Variants in FAM193A observed in about 807,000 individuals in gnomAD.
FAM193A encodes family with sequence similarity 193 member A, also known as protein FAM193A.
In FAM193A, 22 loss-of-function variants were observed where a neutral mutation model predicts 126.5. That is an observed-to-expected ratio of 0.17 (90% CI 0.12 to 0.25). The LOEUF (loss-of-function observed/expected upper bound fraction) is 0.25. Ranked by LOEUF, FAM193A falls within the 10% of genes least tolerant of loss-of-function variation. The probability of loss-of-function intolerance (pLI) is 1.00; values close to 1 mark genes in which losing one functional copy is unlikely to be tolerated. For synonymous variants in FAM193A, 761 were observed against 646.8 expected (o/e 1.18, Z -2.68); for missense variants, 1,675 against 1,672.8 (o/e 1.00, Z -0.02).
intron 20 of FAM193A, among the ~76,000 whole-genome samples, chr4:2,718,472 G>T (rs1719778803): frequency 6.6e-6 from 1 of 151,942 alleles, no homozygotes; most frequent in Admixed American, 6.6e-5. Flanking sequence ...CATGCCTGTA[G>T]TCCCAGCACT....
intron 5 of FAM193A, among the ~76,000 whole-genome samples, chr4:2,638,174 A>C (rs141581830): frequency 6.6e-6 from 1 of 152,234 alleles, no homozygotes; most frequent in Non-Finnish European, 1.5e-5. Flanking sequence ...CAGGTGCTGC[A>C]TTCACTCTCA....
At chr4:2,555,099 A>G (rs1738174918) in intron 1 of FAM193A, among the ~76,000 whole-genome samples, 1 of 152,078 alleles carries the variant, frequency 6.6e-6, no homozygotes, top group Non-Finnish European at 1.5e-5. Flanking sequence ...AACTAATTTA[A>G]TATTTATTTG....
chr4:2,558,273 GAAA>G (rs527575996), intron 1 of FAM193A, among the ~76,000 whole-genome samples: 1 of 103,230 alleles, frequency 9.7e-6, no homozygotes, highest in African/African-American at 3.6e-5. Flanking sequence ...CATCTCAAAT[GAAA>G]AAAAAAAAAA....
At chr4:2,564,110 CAG>C (rs1432042384) in intron 1 of FAM193A, among the ~76,000 whole-genome samples, 1 of 152,042 alleles carries the variant, frequency 6.6e-6, no homozygotes, top group Middle Eastern at 3.2e-3. Context: ...TTTTTTGAGA[CAG>C]GGTGTTGTCT....
At chr4:2,543,917 A>G (rs1189246680) in intron 1 of FAM193A, among the ~76,000 whole-genome samples, 1 of 150,628 alleles carries the variant, frequency 6.6e-6, no homozygotes, top group Non-Finnish European at 1.5e-5. Context: ...GCCACCATAC[A>G]GCGTATCCTC....
chr4:2,539,213 C>T (rs1387010936), intron 1 of FAM193A, among the ~76,000 whole-genome samples: 2 of 151,970 alleles, frequency 1.3e-5, no homozygotes, highest in Admixed American at 6.6e-5. Context: ...ATTTTTGTCG[C>T]GTTATTCAAA....
chr4:2,649,125 G>A (rs1745418855), intron 7 of FAM193A, among the ~76,000 whole-genome samples: 1 of 152,188 alleles, frequency 6.6e-6, no homozygotes, highest in Admixed American at 6.5e-5. Context: ...TATAATTTCA[G>A]CACTTTGGGA....
chr4:2,643,025 G>A (rs898380045), intron 6 of FAM193A, among the ~76,000 whole-genome samples: 4 of 151,992 alleles, frequency 2.6e-5, no homozygotes, highest in South Asian at 2.1e-4. Flanking sequence ...CATGAGCCAC[G>A]TCTCTAGTGT....
chr4:2,592,088 A>C (rs1273829503), intron 1 of FAM193A, among the ~76,000 whole-genome samples: 1 of 152,050 alleles, frequency 6.6e-6, no homozygotes, highest in African/African-American at 2.4e-5. Flanking sequence ...ATTCTGGTAC[A>C]TATATATAAT....
intron 1 of FAM193A, among the ~76,000 whole-genome samples, chr4:2,575,436 A>C (rs1325835775): frequency 2.0e-5 from 3 of 151,724 alleles, no homozygotes; most frequent in African/African-American, 7.3e-5. Flanking sequence ...TGAGTTTTTA[A>C]ATGTGTTGGG....
intron 20 of FAM193A, among the ~76,000 whole-genome samples, chr4:2,728,646 T>C (rs1032503805): frequency 6.6e-6 from 1 of 152,092 alleles, no homozygotes; most frequent in African/African-American, 2.4e-5. Flanking sequence ...ATTCTTAATT[T>C]TGGTCTCATG....
chr4:2,540,968 G>A (rs1311072671), intron 1 of FAM193A, among the ~76,000 whole-genome samples: 33 of 126,122 alleles, frequency 2.6e-4, no homozygotes, highest in African/African-American at 1.0e-3. Context: ...CTCAAAATCC[G>A]TCTCAAAAAA....
At chr4:2,723,809 T>TG (rs1290944299) in intron 20 of FAM193A, among the ~76,000 whole-genome samples, 1 of 152,048 alleles carries the variant, frequency 6.6e-6, no homozygotes, top group Admixed American at 6.6e-5. Context: ...TTTGTTTGTT[T>TG]GTTTTGTTTT....
At chr4:2,543,100 T>C (rs1355303084) in intron 1 of FAM193A, among the ~76,000 whole-genome samples, 1 of 151,546 alleles carries the variant, frequency 6.6e-6, no homozygotes, top group Non-Finnish European at 1.5e-5. Context: ...TTTTCTTTTT[T>C]TTTTTTAAAT....
At chr4:2,584,171 A>C (rs374109412) in intron 1 of FAM193A, among the ~76,000 whole-genome samples, 1 of 152,118 alleles carries the variant, frequency 6.6e-6, no homozygotes, top group Non-Finnish European at 1.5e-5. Flanking sequence ...CCCCCACTCC[A>C]TATTCATATC....
At chr4:2,709,481 G>A (rs1039049782) in intron 19 of FAM193A, among the ~76,000 whole-genome samples, 1 of 152,086 alleles carries the variant, frequency 6.6e-6, no homozygotes, top group Non-Finnish European at 1.5e-5. Context: ...GCCGAGGAGG[G>A]GTGCGGATCA....
rs1455814552 is a variant in FAM193A at position 2,693,569 on chromosome 4, C to T, written c.2804-17C>T. 9.4e-6 allele frequency: 15 copies of T among 1,598,746 alleles called. No individual in the cohort carries two copies. The East Asian group carries it at 1.3e-4, about 14-fold the overall frequency. On this transcript the variant is annotated splice_polypyrimidine_tract_variant and intron_variant, in intron 15 of 20. Transcript: ENST00000637812. Reference sequence around the variant, plus strand: ...TTGAAACAAACTTGGCAGTGACTCTCGCCTCTCTAAATGCAGGTGACGTGT... The same window carrying T: ...TTGAAACAAACTTGGCAGTGACTCTTGCCTCTCTAAATGCAGGTGACGTGT...
At chr4:2,550,324 G>A (rs924631503) in intron 1 of FAM193A, among the ~76,000 whole-genome samples, 12 of 152,122 alleles carry the variant, frequency 7.9e-5, no homozygotes, top group African/African-American at 2.9e-4. Context: ...GGTATTACAG[G>A]CGTGAGCCAC....
intron 2 of FAM193A, among the ~76,000 whole-genome samples, chr4:2,622,029 C>T (rs988295528): frequency 1.3e-4 from 20 of 151,952 alleles, no homozygotes; most frequent in African/African-American, 3.6e-4. Context: ...TGAAGGTGGG[C>T]GGATCACTTG....
Sources: gnomAD v4.1 joint callset for allele counts (sites outside exome capture counted in the v4.1 genomes callset) on GRCh38, gnomAD v4.1.1 for gene constraint, MANE v1.5 for transcripts, NCBI Gene and HGNC (gene_info 2026-07-23, HGNC 2026-07-21) for gene names.